Variants in SASH1 observed in about 807,000 individuals in gnomAD.
The protein encoded by SASH1 is SAM and SH3 domain-containing protein 1.
SASH1 carries 44 observed loss-of-function variants against 125.2 expected under a neutral mutation model. The observed-to-expected ratio is 0.35, with a 90% CI of 0.28 to 0.45. SASH1 has a LOEUF of 0.45. Among genes scored for constraint, SASH1 ranks in the 20% least tolerant of loss-of-function variants. The pLI, the probability that SASH1 is intolerant of heterozygous loss-of-function variation, is 1.00. For missense variants in SASH1, 1,426 were observed against 1,614.5 expected (o/e 0.88, Z 2.00); for synonymous variants, 639 against 649.1 (o/e 0.98, Z 0.24).
At chr6:148,441,836 A>G (rs1205117594) in intron 4 of SASH1, among the ~76,000 whole-genome samples, 2 of 152,098 alleles carry the variant, frequency 1.3e-5, no homozygotes, top group Non-Finnish European at 2.9e-5. Context: ...TATATCCTTT[A>G]CTTAGTAAAA....
intron 1 of SASH1, among the ~76,000 whole-genome samples, chr6:148,315,689 A>C (rs760275078): frequency 1.8e-4 from 27 of 152,172 alleles, no homozygotes; most frequent in Admixed American, 4.6e-4. Context: ...GGATTGCTTG[A>C]GCCCAGGAAT....
chr6:148,224,618 C>T, the SASH1 span, among the ~76,000 whole-genome samples: 1 of 152,152 alleles, frequency 6.6e-6, no homozygotes, highest in African/African-American at 2.4e-5. Flanking sequence ...TCCTGGGCCT[C>T]CCAAAGTGCT....
chr6:148,443,435 A>G (rs1403548723), intron 4 of SASH1, among the ~76,000 whole-genome samples: 1 of 117,458 alleles, frequency 8.5e-6, no homozygotes, highest in African/African-American at 3.4e-5. Flanking sequence ...TTTGTAGTGA[A>G]TATATATATA....
intron 4 of SASH1, among the ~76,000 whole-genome samples, chr6:148,444,986 A>T (rs1319828593): frequency 7.2e-5 from 11 of 152,178 alleles, no homozygotes; most frequent in Admixed American, 7.2e-4. Flanking sequence ...CCCTTTTTAG[A>T]CCACATAGGG....
intron 4 of SASH1, among the ~76,000 whole-genome samples, 177 bp from the exon 5 acceptor site, chr6:148,468,368 C>G (rs1357392759): frequency 1.3e-5 from 2 of 152,098 alleles, no homozygotes; most frequent in Non-Finnish European, 2.9e-5. Context: ...AAATGGCACA[C>G]GAGTCTATTT....
At chr6:148,526,044 GTCTTTTTTTTTTTT>G (rs1781130157) in intron 11 of SASH1, among the ~76,000 whole-genome samples, 1 of 116,514 alleles carries the variant, frequency 8.6e-6, no homozygotes, top group African/African-American at 3.3e-5. Context: ...GTGAAGGTGA[GTCTTTTTTTTTTTT>G]TTTTTTTTTT....
At chr6:148,315,663 G>A (rs1034156040) in intron 1 of SASH1, among the ~76,000 whole-genome samples, 1 of 152,160 alleles carries the variant, frequency 6.6e-6, no homozygotes, top group African/African-American at 2.4e-5. Context: ...CAGTACTTTG[G>A]GAGGCCCAGG....
In SASH1 at chr6:148,416,518, C is replaced by T. The variant is rs556827910; in HGVS notation, c.286-23666C>T. Among the ~76,000 whole-genome samples the T allele has an allele frequency of 4.3e-4, 65 of 152,086 alleles. 2 individuals are homozygous for T. The highest frequency in any genetic ancestry group is 1.0e-4 in the Non-Finnish European group (7 of 68,028). On this transcript the variant is annotated intron_variant, in intron 2 of 19. Coordinates refer to ENST00000367467, the MANE Select transcript of SASH1 (RefSeq NM_015278.5). ...GGAGCACCATGTGTGAGATCCTGGA[C>T]GACATGTGTGCTATGTGTCGCAAAA...
intron 1 of SASH1, among the ~76,000 whole-genome samples, chr6:148,376,048 G>A (rs1467319838): frequency 1.3e-5 from 2 of 152,010 alleles, no homozygotes; most frequent in East Asian, 1.9e-4. Context: ...CAGACAGTGG[G>A]GGTAAACTGG....
intron 2 of SASH1, among the ~76,000 whole-genome samples, chr6:148,430,971 CAAACA>C (rs1776037148): frequency 6.6e-6 from 1 of 152,108 alleles, no homozygotes; most frequent in Non-Finnish European, 1.5e-5. Context: ...AAAACCAAAC[CAAACA>C]AAACAGGTTC....
chr6:148,521,795 A>G (rs1035262742), intron 10 of SASH1, among the ~76,000 whole-genome samples: 2 of 152,220 alleles, frequency 1.3e-5, no homozygotes, highest in Admixed American at 1.3e-4. Context: ...GTTCTACCCA[A>G]TTCATCTGCT....
At chr6:148,449,067 TCATTTCA>T (rs1776948495) in intron 4 of SASH1, among the ~76,000 whole-genome samples, 7 of 116,932 alleles carry the variant, frequency 6.0e-5, no homozygotes, top group Non-Finnish European at 1.2e-4. Flanking sequence ...CTGGCTAATT[TCATTTCA>T]TTTCTTTTTT....
chr6:148,212,532 T>A, the SASH1 span, among the ~76,000 whole-genome samples: 1 of 152,244 alleles, frequency 6.6e-6, no homozygotes, highest in African/African-American at 2.4e-5. Flanking sequence ...AGGCTGTCTG[T>A]AATCTTCATT....
intron 2 of SASH1, among the ~76,000 whole-genome samples, chr6:148,395,823 A>ATTAG (rs1368642523): frequency 6.6e-6 from 1 of 152,212 alleles, no homozygotes; most frequent in Admixed American, 6.5e-5. Flanking sequence ...AATGATACTA[A>ATTAG]GTCTGACATC....
chr6:148,403,979 C>T (rs2114879324), intron 2 of SASH1, among the ~76,000 whole-genome samples: 1 of 152,224 alleles, frequency 6.6e-6, no homozygotes, highest in Non-Finnish European at 1.5e-5. Flanking sequence ...GCTGTTTCAC[C>T]TTTCTATAGT....
At chr6:148,204,301 A>G in the SASH1 span, among the ~76,000 whole-genome samples, 1 of 152,250 alleles carries the variant, frequency 6.6e-6, no homozygotes, top group Non-Finnish European at 1.5e-5. Flanking sequence ...AATCGACAGT[A>G]CAAAAGAGAC....
rs186816307 is a variant in SASH1 at position 148,512,862 on chromosome 6, T to C, written c.730-1462T>C. The C allele has an allele frequency of 9.1e-6, 9 of 985,284 alleles. No homozygotes were observed. The African/African-American group carries it at 1.2e-4, about 13-fold the overall frequency. 61.0% of individuals were successfully genotyped at this position (985,284 alleles called of 1,614,324 possible). On this transcript the variant is annotated intron_variant, in intron 8 of 19. Coordinates refer to ENST00000367467, the MANE Select transcript of SASH1 (RefSeq NM_015278.5). Reference sequence around the variant, plus strand: ...CACTTCTGTCCTGATGACTTGCTGATGTTAGGTTTATAGTTAACCATAAGT... The same window carrying C: ...CACTTCTGTCCTGATGACTTGCTGACGTTAGGTTTATAGTTAACCATAAGT...
At chr6:148,312,037 C>T (rs1288096019) in intron 1 of SASH1, among the ~76,000 whole-genome samples, 1 of 152,158 alleles carries the variant, frequency 6.6e-6, no homozygotes, top group East Asian at 1.9e-4. Context: ...AGGATCCAGA[C>T]TCAAAAAGCT....
upstream of SASH1, among the ~76,000 whole-genome samples, chr6:148,340,301 G>C (rs79258182): frequency 0.079 from 12,018 of 151,922 alleles, 734 homozygotes; most frequent in East Asian, 0.32. Context: ...TGACCAATAT[G>C]GTGAAACCCC....
Sources: allele counts gnomAD v4.1 joint callset (sites outside exome capture counted in the v4.1 genomes callset), GRCh38; gene constraint gnomAD v4.1.1; transcripts MANE v1.5; gene names NCBI Gene and HGNC (gene_info 2026-07-23, HGNC 2026-07-21).